RBP3: variants seen among roughly 807,000 people sequenced by gnomAD.
RBP3 encodes retinol-binding protein 3.
RBP3 carries 50 observed loss-of-function variants against 64.8 expected under a neutral mutation model. The observed-to-expected ratio is 0.77, with a 90% confidence interval of 0.61 to 0.98. The LOEUF (loss-of-function observed/expected upper bound fraction) is 0.98, where lower values mean the gene tolerates loss of function less well. Ranked by LOEUF, RBP3 falls within the 50% of genes least tolerant of loss-of-function variation. The probability of loss-of-function intolerance (pLI) is 0.00; values close to 1 mark genes in which losing one functional copy is unlikely to be tolerated. For missense variants in RBP3, 1,712 were observed against 1,660.5 expected (o/e 1.03, Z -0.54); for synonymous variants, 828 against 730.2 (o/e 1.13, Z -2.16).
rs1555211413 is a variant in RBP3, at chr10:47,350,595, G to A, written c.2111G>A (p.Ser704Asn). Residue 704 changes from serine to asparagine, a missense_variant, in exon 1 of 4, where the codon AGC becomes AAC. Transcript: ENST00000584701. ...SGDHRLLVFHSPGELVVEEAP... is the reference protein window; with the variant it reads ...SGDHRLLVFHNPGELVVEEAP... ...GACCACCGCTTGCTAGTGTTCCACAGCCCTGGCGAGCTGGTGGTAGAGGAA... is the reference window on the plus strand; with the variant it reads ...GACCACCGCTTGCTAGTGTTCCACAACCCTGGCGAGCTGGTGGTAGAGGAA... 1 of 1,612,984 alleles carries A rather than the reference G, an allele frequency of 6.2e-7. No homozygotes were observed. Among genetic ancestry groups the A allele is most frequent in the Non-Finnish European group, 8.5e-7 (1 of 1,180,018 alleles).
At chr10:47,353,184 G>A in intron 1 of RBP3, 141 bp from the exon 2 acceptor site, 1 of 751,732 alleles carries the variant, frequency 1.3e-6, no homozygotes, top group Non-Finnish European at 2.3e-6. Context: ...ATGCCACTGG[G>A]AAAGTCCCTG....
In RBP3 at chr10:47,349,802, G is replaced by A; in HGVS notation, c.1318G>A (p.Gly440Ser). The change falls in exon 1 of 4, where the codon GGC becomes AGC. Residue 440 changes from glycine to serine, a missense_variant. By Grantham distance (56) the Gly-to-Ser change is moderately conservative. Coordinates refer to ENST00000584701, the MANE Select transcript of RBP3 (RefSeq NM_002900.3). ...FQVSVLPGNV[G>S]YLRFDSFADA... Reference sequence around the variant, plus strand: ...GGTGTCGGTGCTGCCAGGCAATGTGGGCTACCTGCGCTTCGATAGTTTTGC... The same window carrying A: ...GGTGTCGGTGCTGCCAGGCAATGTGAGCTACCTGCGCTTCGATAGTTTTGC... 2 of 1,613,250 alleles carry A rather than the reference G, an allele frequency of 1.2e-6. No individual in the cohort carries two copies. Among genetic ancestry groups the A allele is most frequent in the Non-Finnish European group, 1.7e-6 (2 of 1,180,016 alleles).
intron 1 of RBP3, 84 bp downstream of exon 1, chr10:47,351,622 T>G: frequency 6.7e-7 from 1 of 1,494,314 alleles, no homozygotes; most frequent in Non-Finnish European, 9.3e-7. Flanking sequence ...CTGTGCACAG[T>G]GCGTGACAAT....
At position 47,350,310 on chromosome 10, in the gene RBP3, G is replaced by T; in HGVS notation, c.1826G>T (p.Gly609Val). Residue 609 changes from glycine to valine, a missense_variant, in exon 1 of 4, where the codon GGT (glycine) becomes GTT (valine). Coordinates refer to ENST00000584701, the MANE Select transcript of RBP3 (RefSeq NM_002900.3). ...AATCACGGCGAGGCCTGGCTGGGTG[G>T]TGGAGTGGTGCCCGATGCCATCGTG... Reference protein sequence around the residue: ...IDNHGEAWLGGGVVPDAIVLA... With the variant: ...IDNHGEAWLGVGVVPDAIVLA... 6.2e-7 allele frequency: 1 copy of T among 1,610,506 alleles called. No individual in the cohort carries two copies. The highest frequency in any genetic ancestry group is 8.5e-7 in the Non-Finnish European group (1 of 1,179,924).
In RBP3 at chr10:47,348,967, C is replaced by T. The variant is rs782052444; in HGVS notation, c.483C>T (p.Gly161=). 3.1e-6 allele frequency: 5 copies of T among 1,613,910 alleles called. No individual in the cohort carries two copies. Among genetic ancestry groups the T allele is most frequent in the Non-Finnish European group, 2.5e-6 (3 of 1,180,024 alleles). The change falls in exon 1 of 4, where the codon GGC becomes GGT. Residue 161 remains glycine, a synonymous_variant. Coordinates refer to ENST00000584701, the MANE Select transcript of RBP3 (RefSeq NM_002900.3). ...CCCACGTGTGGGGGAATCTCATGGG[C>T]ACCTCCGCCTTAGTGCTGGATCTCC... ...LVAHVWGNLM[G]TSALVLDLRH...
Position 47,348,475 on chromosome 10 carries a change from C to A in RBP3, c.-10C>A. 6.2e-7 allele frequency: 1 copy of A among 1,600,498 alleles called. No homozygotes were observed. The highest frequency in any genetic ancestry group is 1.1e-5 in the South Asian group (1 of 91,024). On this transcript the variant is annotated 5_prime_UTR_variant, in exon 1 of 4. In the 5' UTR this introduces an upstream ATG that the reference lacks. Coordinates refer to ENST00000584701, the MANE Select transcript of RBP3 (RefSeq NM_002900.3). ...TTTTGTGCAGGAGCCAGGCCTCCCCCTGGGTCCCCATGATGAGAGAATGGG... is the reference window on the plus strand; with the variant it reads ...TTTTGTGCAGGAGCCAGGCCTCCCCATGGGTCCCCATGATGAGAGAATGGG...
rs1837070600 is a variant in RBP3, at chr10:47,357,703, G to T, written c.*246G>T. ...AATAACCACCTAAATTTTAACAAAGGTTCCTTCTAAGTGGTAGAACTTGGG... is the reference window on the plus strand; with the variant it reads ...AATAACCACCTAAATTTTAACAAAGTTTCCTTCTAAGTGGTAGAACTTGGG... On this transcript the variant is annotated 3_prime_UTR_variant, in exon 4 of 4. Coordinates refer to ENST00000584701, the MANE Select transcript of RBP3 (RefSeq NM_002900.3). The T allele has an allele frequency of 7.8e-6, 3 of 382,590 alleles. No homozygotes were observed. Among genetic ancestry groups the T allele is most frequent in the South Asian group, 7.8e-5 (1 of 12,822 alleles). The allele number at this position is 382,590 out of a possible 1,614,324, so 23.7% of individuals were successfully genotyped here. A position where few individuals can be genotyped will look rare whatever the true frequency, so the allele number is the denominator to read the frequency against.
At position 47,357,133 on chromosome 10, in the gene RBP3, C is replaced by G. The variant is rs782355933; in HGVS notation, c.3420C>G (p.Val1140=). Residue 1140 remains valine (V), a synonymous_variant, in exon 4 of 4, where the codon GTC becomes GTG. Coordinates refer to ENST00000584701, the MANE Select transcript of RBP3 (RefSeq NM_002900.3). The stretch of plus-strand genomic sequence containing the variant: ...GCTATGGCTCCAAGAAGAGCATGGT[C>G]ATTCTGACCAGCAGTGTGACGGCCG... ...GERYGSKKSM[V]ILTSSVTAGT... The G allele has an allele frequency of 6.2e-7, 1 of 1,612,764 alleles. No homozygotes were observed. The highest frequency in any genetic ancestry group is 1.1e-5 in the South Asian group (1 of 91,018).
At position 47,349,466 on chromosome 10, in the gene RBP3, G is replaced by A. The variant is rs782734444; in HGVS notation, c.982G>A (p.Gly328Arg). The stretch of plus-strand genomic sequence containing the variant: ...CCTCACTCTGCGCAGCGCCCTTCCA[G>A]GGGTAGTCCACTGCCTCCAGGAGGT... ...AILTLRSALP[G>R]VVHCLQEVLK... The change falls in exon 1 of 4, where the codon GGG becomes AGG. Residue 328 changes from glycine (G) to arginine (R), a missense_variant. Coordinates refer to ENST00000584701, the MANE Select transcript of RBP3 (RefSeq NM_002900.3). The A allele has an allele frequency of 1.3e-5, 21 of 1,612,676 alleles. No individual in the cohort carries two copies. The African/African-American group carries it at 2.7e-4, about 21-fold the overall frequency.
At position 47,348,647 on chromosome 10, in the gene RBP3, G is replaced by A. The variant is rs879969989; in HGVS notation, c.163G>A (p.Ala55Thr). Residue 55 changes from alanine (A) to threonine (T), a missense_variant, in exon 1 of 4, where the codon GCC (alanine) becomes ACC (threonine). By Grantham distance (58) the Ala-to-Thr change is moderately conservative. Coordinates refer to ENST00000584701, the MANE Select transcript of RBP3 (RefSeq NM_002900.3). ...LLGMQEAIQQ[A>T]IKSHEILSIS... ...GGGCATGCAGGAAGCCATCCAGCAG[G>A]CCATCAAGAGCCATGAGATTCTGAG... The A allele has an allele frequency of 6.2e-7, 1 of 1,613,522 alleles. No individual in the cohort carries two copies. The highest frequency in any genetic ancestry group is 8.5e-7 in the Non-Finnish European group (1 of 1,180,026).
At chr10:47,354,601 G>GTC (rs1555211867) in intron 2 of RBP3, among the ~76,000 whole-genome samples, 1 of 152,206 alleles carries the variant, frequency 6.6e-6, no homozygotes, top group African/African-American at 2.4e-5. Context: ...CTCATGCTAA[G>GTC]TCTCTTTCTT....
chr10:47,350,345 G>GAGGC lies in RBP3; in HGVS notation c.1862_1865dup (p.Leu623GlyfsTer110). On this transcript the variant is annotated frameshift_variant, in exon 1 of 4. Transcript: ENST00000584701. LOFTEE classifies it high-confidence loss of function. ...GCCCGATGCCATCGTGCTGGCCGAGGAGGCCCTGGACAAAGCCCAGGAAGT... is the reference window on the plus strand; with the variant it reads ...GCCCGATGCCATCGTGCTGGCCGAGGAGGCAGGCCCTGGACAAAGCCCAGGAAGT... 6.2e-7 allele frequency: 1 copy of GAGGC among 1,612,168 alleles called. No individual in the cohort carries two copies. The highest frequency in any genetic ancestry group is 8.5e-7 in the Non-Finnish European group (1 of 1,179,956).
rs782705267 is a variant in RBP3 at position 47,350,192 on chromosome 10, G to A, written c.1708G>A (p.Ala570Thr). The A allele has an allele frequency of 6.2e-6, 10 of 1,610,960 alleles. No individual in the cohort carries two copies. The highest frequency in any genetic ancestry group is 4.5e-5 in the East Asian group (2 of 44,892). Residue 570 changes from alanine (A) to threonine (T), a missense_variant, in exon 1 of 4, where the codon GCG becomes ACG. By Grantham distance (58) the Ala-to-Thr change is moderately conservative (BLOSUM62 0). Transcript: ENST00000584701. ...GWATLVGEIT[A>T]GNLLHTRTVP... ...GGCCACACTGGTAGGTGAGATCACC[G>A]CGGGCAACCTGCTGCACACCCGCAC...
rs782175462 is a variant in RBP3, at chr10:47,351,208, C to T, written c.2724C>T (p.Asp908=). Reference sequence around the variant, plus strand: ...GTGCCACCACAGGCAAGGCCTGGGACCTGGCTGGTGTGGAGCCCGACATCA... The same window carrying T: ...GTGCCACCACAGGCAAGGCCTGGGATCTGGCTGGTGTGGAGCCCGACATCA... ...AMSATTGKAW[D]LAGVEPDITV... is the part of the protein sequence containing the mutation. The change falls in exon 1 of 4, where the codon GAC becomes GAT. Residue 908 remains aspartate (D), a synonymous_variant. Coordinates refer to ENST00000584701, the MANE Select transcript of RBP3 (RefSeq NM_002900.3). The T allele has an allele frequency of 3.1e-6, 5 of 1,613,294 alleles. No homozygotes were observed. The South Asian group carries it at 5.5e-5, about 18-fold the overall frequency.
At position 47,357,088 on chromosome 10, in the gene RBP3, C is replaced by T. The variant is rs1555212046; in HGVS notation, c.3389-14C>T. 1.9e-6 allele frequency: 3 copies of T among 1,605,670 alleles called. No individual in the cohort carries two copies. Among genetic ancestry groups the T allele is most frequent in the South Asian group, 2.2e-5 (2 of 90,762 alleles). On this transcript the variant is annotated splice_polypyrimidine_tract_variant and intron_variant, in intron 3 of 3. Coordinates refer to ENST00000584701, the MANE Select transcript of RBP3 (RefSeq NM_002900.3). ...TGACATGACCCCCATCCTGAAGGGCCTTATGTCTTCCAGGTGAACGCTATG... is the reference window on the plus strand; with the variant it reads ...TGACATGACCCCCATCCTGAAGGGCTTTATGTCTTCCAGGTGAACGCTATG...
chr10:47,348,429 C>G lies in RBP3; in HGVS notation c.-56C>G. 1 of 1,581,874 alleles carries G rather than the reference C, an allele frequency of 6.3e-7. No individual in the cohort carries two copies. The highest frequency in any genetic ancestry group is 8.5e-7 in the Non-Finnish European group (1 of 1,169,962). On this transcript the variant is annotated 5_prime_UTR_variant, in exon 1 of 4. Coordinates refer to ENST00000584701, the MANE Select transcript of RBP3 (RefSeq NM_002900.3). Reference sequence around the variant, plus strand: ...CAGCTGCACAGAGCAGGGCCACGGCCTTGCACACAGTCCAGGGAGCTTTTG... The same window carrying G: ...CAGCTGCACAGAGCAGGGCCACGGCGTTGCACACAGTCCAGGGAGCTTTTG...
chr10:47,353,618 A>G, intron 2 of RBP3, 103 bp downstream of exon 2: 1 of 1,393,630 alleles, frequency 7.2e-7, no homozygotes, highest in Non-Finnish European at 1.0e-6. Flanking sequence ...CCTGTGACAC[A>G]GCAGAGGACC....
rs150921795 is a variant in RBP3, at chr10:47,357,360, T to C, written c.3647T>C (p.Val1216Ala). Residue 1216 changes from valine (V) to alanine (A), a missense_variant, in exon 4 of 4, where the codon GTT becomes GCT. Coordinates refer to ENST00000584701, the MANE Select transcript of RBP3 (RefSeq NM_002900.3). ...WEGVGVTPHVVVPAEEALARA... is the reference protein window; with the variant it reads ...WEGVGVTPHVAVPAEEALARA... ...GGGGTGGGGGTGACACCCCATGTGG[T>C]TGTCCCTGCAGAAGAGGCTCTCGCC... 1.2e-6 allele frequency: 2 copies of C among 1,613,850 alleles called. No homozygotes were observed. The highest frequency in any genetic ancestry group is 1.7e-6 in the Non-Finnish European group (2 of 1,179,970).
In RBP3 at chr10:47,350,832, G is replaced by T; in HGVS notation, c.2348G>T (p.Arg783Leu). The change falls in exon 1 of 4, where the codon CGC (arginine) becomes CTC (leucine). Residue 783 changes from arginine (R) to leucine (L), a missense_variant. By Grantham distance (102) the Arg-to-Leu change is moderately radical (BLOSUM62 -2). Coordinates refer to ENST00000584701, the MANE Select transcript of RBP3 (RefSeq NM_002900.3). ...VDTAALVIDLRYNPGSYSTAI... is the reference protein window; with the variant it reads ...VDTAALVIDLLYNPGSYSTAI... ...ACGGCTGCGCTGGTGATCGACCTGC[G>T]CTACAACCCTGGCAGCTACTCCACG... The T allele has an allele frequency of 6.2e-7, 1 of 1,612,958 alleles. No individual in the cohort carries two copies. Among genetic ancestry groups the T allele is most frequent in the South Asian group, 1.1e-5 (1 of 91,074 alleles).
Sources: gnomAD v4.1 joint callset for allele counts (sites outside exome capture counted in the v4.1 genomes callset) on GRCh38, gnomAD v4.1.1 for gene constraint, MANE v1.5 for transcripts, NCBI Gene and HGNC (gene_info 2026-07-23, HGNC 2026-07-21) for gene names.